The following ARID1B variants were observed in gnomAD, a reference collection of about 807,000 sequenced individuals.
ARID1B encodes the protein AT-rich interactive domain-containing protein 1B.
ARID1B carries 30 observed loss-of-function variants against 212.3 expected under a neutral mutation model. The observed-to-expected ratio is 0.14, with a 90% confidence interval of 0.11 to 0.19. ARID1B has a LOEUF of 0.19. Among genes scored for constraint, ARID1B ranks in the 10% least tolerant of loss-of-function variants. The probability of loss-of-function intolerance (pLI) is 1.00; values close to 1 mark genes in which losing one functional copy is unlikely to be tolerated. For synonymous variants in ARID1B, 1,402 were observed against 1,301.7 expected (o/e 1.08, Z -1.66); for missense variants, 2,891 against 3,204.0 (o/e 0.90, Z 2.36).
intron 4 of ARID1B, chr6:156,937,972 G>C (rs1402978635): frequency 6.9e-6 from 1 of 145,618 alleles, no homozygotes; most frequent in Non-Finnish European, 1.5e-5. Flanking sequence ...ATAATCTTTA[G>C]AGAGCAGAGT....
At chr6:156,973,444 G>T (rs1285370951) in intron 4 of ARID1B, among the ~76,000 whole-genome samples, 1 of 152,044 alleles carries the variant, frequency 6.6e-6, no homozygotes, top group Non-Finnish European at 1.5e-5. Context: ...ACTTTTTAAT[G>T]CATTTTAATA....
intron 4 of ARID1B, chr6:157,036,664 G>A (rs1329526904): frequency 2.3e-5 from 8 of 344,694 alleles, no homozygotes; most frequent in Non-Finnish European, 4.6e-5. Context: ...TGGGATTTCA[G>A]CCCAGCTCTT....
intron 4 of ARID1B, among the ~76,000 whole-genome samples, chr6:157,079,901 A>T (rs1405013059): frequency 2.6e-5 from 4 of 152,240 alleles, no homozygotes; most frequent in Admixed American, 2.6e-4. Flanking sequence ...TTAATATTCT[A>T]AAAAGGAGAA....
intron 3 of ARID1B, among the ~76,000 whole-genome samples, chr6:156,929,949 A>T (rs1227016182): frequency 6.7e-6 from 1 of 150,192 alleles, no homozygotes; most frequent in East Asian, 2.0e-4. Flanking sequence ...CTATCTTCCC[A>T]CTCATCCCCT....
chr6:156,901,813 C>G, intron 3 of ARID1B: 2 of 443,970 alleles, frequency 4.5e-6, no homozygotes, highest in Non-Finnish European at 8.0e-6. Context: ...GTGTTCTGAA[C>G]CTTTCAAGAA....
chr6:156,897,620 A>T (rs1339649406), intron 2 of ARID1B, among the ~76,000 whole-genome samples: 4 of 150,120 alleles, frequency 2.7e-5, no homozygotes, highest in Admixed American at 6.7e-5. Context: ...GATCTGAGGC[A>T]TTTTTTTTTG....
intron 4 of ARID1B, among the ~76,000 whole-genome samples, chr6:157,049,489 T>C (rs577168899): frequency 2.0e-5 from 3 of 152,280 alleles, no homozygotes; most frequent in South Asian, 2.1e-4. Context: ...TTCTTTTTTT[T>C]CCCCTAGCTA....
chr6:157,190,084 T>A lies in ARID1B; in HGVS notation c.4105T>A (p.Ser1369Thr). The A allele has an allele frequency of 6.2e-7, 1 of 1,614,222 alleles. No homozygotes were observed. The highest frequency in any genetic ancestry group is 8.5e-7 in the Non-Finnish European group (1 of 1,180,042). ...VHDPFSDVSD[S>T]SFPKRNSMTP... Reference sequence around the variant, plus strand: ...CGACCCATTCTCAGATGTGAGTGATTCATCCTTCCCGAAACGGAACTCCAT... The same window carrying A: ...CGACCCATTCTCAGATGTGAGTGATACATCCTTCCCGAAACGGAACTCCAT... The change falls in exon 15 of 20, where the codon TCA becomes ACA. Residue 1369 changes from serine (S) to threonine (T), a missense_variant. Physicochemically the swap from Ser to Thr is moderately conservative, Grantham distance 58. This residue lies in a region of ARID1B where 666 missense variants were observed against 873.5 expected (regional missense o/e 0.76). Coordinates refer to ENST00000636930, the MANE Select transcript of ARID1B (RefSeq NM_001374828.1). The surrounding 1 kb of genome is among the most constrained non-coding windows in gnomAD (Gnocchi z 4.6).
chr6:156,849,877 C>T (rs746709452), intron 2 of ARID1B, among the ~76,000 whole-genome samples: 3 of 151,916 alleles, frequency 2.0e-5, no homozygotes, highest in South Asian at 2.1e-4. Flanking sequence ...CTTTCTCTCT[C>T]GGATTAAAAA....
chr6:156,819,619 T>C (rs150059261), intron 1 of ARID1B, among the ~76,000 whole-genome samples: 6 of 152,342 alleles, frequency 3.9e-5, no homozygotes, highest in Admixed American at 3.3e-4. Context: ...TCTGGACTTA[T>C]TCTGTAGCAC....
At chr6:156,852,301 T>G (rs1208429503) in intron 2 of ARID1B, among the ~76,000 whole-genome samples, 1 of 151,794 alleles carries the variant, frequency 6.6e-6, no homozygotes. Flanking sequence ...ATTTTTAAAA[T>G]TAGCAGGGCG....
chr6:156,918,530 A>G (rs1326307697), intron 3 of ARID1B, among the ~76,000 whole-genome samples: 2 of 152,208 alleles, frequency 1.3e-5, no homozygotes, highest in Non-Finnish European at 2.9e-5. Context: ...CTTTGTTTTA[A>G]AGGATATTAT....
In ARID1B at chr6:157,208,092, T is replaced by A; in HGVS notation, c.*201T>A. On this transcript the variant is annotated 3_prime_UTR_variant, in exon 20 of 20. Transcript: ENST00000636930. ...AATTAATATTTGCTGTCTGTGTGTA[T>A]AAGTACATCCTTTGGGGTTTTTTTT... is the stretch of plus-strand genomic sequence containing the variant. 1.8e-6 allele frequency: 1 copy of A among 558,484 alleles called. No homozygotes were observed. Among genetic ancestry groups the A allele is most frequent in the Non-Finnish European group, 2.7e-6 (1 of 369,476 alleles). 34.6% of individuals were successfully genotyped at this position (558,484 alleles called of 1,614,324 possible).
At chr6:156,806,313 C>T (rs1781151481) in intron 1 of ARID1B, among the ~76,000 whole-genome samples, 1 of 152,192 alleles carries the variant, frequency 6.6e-6, no homozygotes, top group African/African-American at 2.4e-5. Flanking sequence ...CAAGTTGGGA[C>T]CCCATGCCTT....
At chr6:157,173,528 T>C (rs893279819) in intron 9 of ARID1B, 1 of 152,526 alleles carries the variant, frequency 6.6e-6, no homozygotes, top group Non-Finnish European at 1.5e-5. Context: ...ATAGATAAGG[T>C]TTTCAAAAGA....
chr6:157,149,914 G>GT (rs1790079498), intron 8 of ARID1B: 1 of 152,070 alleles, frequency 6.6e-6, no homozygotes, highest in Non-Finnish European at 1.5e-5. Flanking sequence ...CAGTCTTATT[G>GT]TTTTTTCCAA....
At chr6:156,906,277 C>A (rs1184313779) in intron 3 of ARID1B, among the ~76,000 whole-genome samples, 2 of 151,898 alleles carry the variant, frequency 1.3e-5, no homozygotes, top group Non-Finnish European at 1.5e-5. Context: ...GAAGCACCAG[C>A]CACCTCATGC....
rs776439861 is a variant in ARID1B, at chr6:157,190,242, G to A, written c.4231+32G>A. 6.3e-7 allele frequency: 1 copy of A among 1,583,378 alleles called. No homozygotes were observed. The highest frequency in any genetic ancestry group is 1.1e-5 in the South Asian group (1 of 86,958). On this transcript the variant is annotated intron_variant, in intron 15 of 19. Coordinates refer to ENST00000636930, the MANE Select transcript of ARID1B (RefSeq NM_001374828.1). This position sits in a 1 kb window ranked among gnomAD's most constrained non-coding sequence, Gnocchi z 4.6. ...GTAGAGGGGCCTCCACCCGGCCATGGACCAGTGGGCATTCTACTCTCTGCC... is the reference window on the plus strand; with the variant it reads ...GTAGAGGGGCCTCCACCCGGCCATGAACCAGTGGGCATTCTACTCTCTGCC...
intron 1 of ARID1B, among the ~76,000 whole-genome samples, chr6:156,786,281 G>A (rs958012832): frequency 6.6e-6 from 1 of 152,158 alleles, no homozygotes; most frequent in African/African-American, 2.4e-5. Flanking sequence ...GTGGTGCCAT[G>A]TCCTTTTCCA....
Sources: gnomAD v4.1 joint callset for allele counts (sites outside exome capture counted in the v4.1 genomes callset) on GRCh38, gnomAD v4.1.1 for gene constraint, gnomAD v4.1.1 regional missense constraint, Gnocchi (gnomAD v3.1) non-coding constraint, MANE v1.5 for transcripts, NCBI Gene and HGNC (gene_info 2026-07-23, HGNC 2026-07-21) for gene names.